JARID2: variants seen among roughly 807,000 people sequenced by gnomAD.
JARID2 encodes the protein jumonji and AT-rich interaction domain containing 2.
A neutral mutation model predicts 125.6 loss-of-function variants in JARID2; 21 were observed. The observed-to-expected ratio is 0.17, with a 90% CI of 0.12 to 0.24. JARID2 has a LOEUF of 0.24. JARID2 is among the 10% of genes least tolerant of loss of function. JARID2 has a pLI of 1.00. For synonymous variants in JARID2, 736 were observed against 661.6 expected (o/e 1.11, Z -1.73); for missense variants, 1,303 against 1,639.6 (o/e 0.79, Z 3.55).
chr6:15,342,102 C>T (rs777681265), intron 1 of JARID2, among the ~76,000 whole-genome samples: 11 of 152,090 alleles, frequency 7.2e-5, no homozygotes, highest in Non-Finnish European at 1.3e-4. Flanking sequence ...TTGGGTAAAA[C>T]ATCGAGAAAC....
Position 15,490,421 on chromosome 6 carries a change from C to A in JARID2, c.906+2879C>A, listed in dbSNP as rs549920878. Among the ~76,000 whole-genome samples the A allele has an allele frequency of 3.3e-4, 51 of 152,282 alleles. No homozygotes were observed. In the South Asian group the frequency reaches 5.4e-3, roughly 16 times the overall value. On this transcript the variant is annotated intron_variant, in intron 6 of 17. Coordinates refer to ENST00000341776, the MANE Select transcript of JARID2 (RefSeq NM_004973.4). ...CTGTCTTCCAAGTCTAAAACCACTT[C>A]CCCTCGTGCGAACTGGGCAATGCCA...
At chr6:15,387,534 C>T (rs1210825583) in intron 2 of JARID2, among the ~76,000 whole-genome samples, 2 of 152,072 alleles carry the variant, frequency 1.3e-5, no homozygotes, top group African/African-American at 4.8e-5. Context: ...TATTTACCCT[C>T]GATCACCTTC....
At chr6:15,514,135 T>C (rs1401242379) in intron 16 of JARID2, among the ~76,000 whole-genome samples, 2 of 151,062 alleles carry the variant, frequency 1.3e-5, no homozygotes, top group Admixed American at 6.6e-5. Context: ...AGCCCAGAGG[T>C]GGGCTCAGAA....
At chr6:15,293,146 C>T (rs932684279) in intron 1 of JARID2, among the ~76,000 whole-genome samples, 3 of 152,202 alleles carry the variant, frequency 2.0e-5, no homozygotes, top group Non-Finnish European at 2.9e-5. Flanking sequence ...CTTGACTTTG[C>T]CATGTTCCTG....
At chr6:15,260,961 A>G (rs1439980347) in intron 1 of JARID2, among the ~76,000 whole-genome samples, 1 of 152,132 alleles carries the variant, frequency 6.6e-6, no homozygotes, top group African/African-American at 2.4e-5. Flanking sequence ...CTTCCATGAG[A>G]CTTGCTGAAA....
At chr6:15,272,609 A>G (rs1760340361) in intron 1 of JARID2, among the ~76,000 whole-genome samples, 1 of 152,200 alleles carries the variant, frequency 6.6e-6, no homozygotes, top group Non-Finnish European at 1.5e-5. Context: ...TAAAGGGGCC[A>G]GGGTTGGACC....
intron 2 of JARID2, among the ~76,000 whole-genome samples, chr6:15,406,053 T>A (rs1765635936): frequency 6.6e-6 from 1 of 152,222 alleles, no homozygotes; most frequent in African/African-American, 2.4e-5. Flanking sequence ...TTTTCTGGGC[T>A]GATATATACA....
intron 1 of JARID2, among the ~76,000 whole-genome samples, chr6:15,301,383 C>T (rs946444065): frequency 6.6e-5 from 10 of 152,158 alleles, no homozygotes; most frequent in Admixed American, 3.3e-4. Context: ...TGAAATCAGT[C>T]ATCAGTGTGA....
chr6:15,287,934 C>T (rs1351594643), intron 1 of JARID2, among the ~76,000 whole-genome samples: 1 of 152,178 alleles, frequency 6.6e-6, no homozygotes, highest in Admixed American at 6.5e-5. Flanking sequence ...TACCGTTGAT[C>T]TGCCAGTACC....
At chr6:15,516,520 C>T (rs1771568969) in intron 16 of JARID2, among the ~76,000 whole-genome samples, 3 of 152,210 alleles carry the variant, frequency 2.0e-5, no homozygotes, top group Admixed American at 2.0e-4. Context: ...GACAGCCCGC[C>T]CAAGGGGGCC....
At chr6:15,501,840 C>T (rs1026053134) in intron 8 of JARID2, among the ~76,000 whole-genome samples, 1 of 152,170 alleles carries the variant, frequency 6.6e-6, no homozygotes, top group African/African-American at 2.4e-5. Context: ...CTCCATATGC[C>T]AGGGATAAGT....
At chr6:15,406,285 T>A (rs1465070347) in intron 2 of JARID2, among the ~76,000 whole-genome samples, 1 of 152,070 alleles carries the variant, frequency 6.6e-6, no homozygotes, top group African/African-American at 2.4e-5. Flanking sequence ...ATTACAAAAA[T>A]TAGCTGAGCG....
intron 3 of JARID2, among the ~76,000 whole-genome samples, chr6:15,442,440 G>C (rs1205780609): frequency 6.6e-6 from 1 of 152,206 alleles, no homozygotes; most frequent in African/African-American, 2.4e-5. Flanking sequence ...GGATTCTGTA[G>C]CTACTTGCAT....
intron 1 of JARID2, among the ~76,000 whole-genome samples, chr6:15,267,020 G>T (rs1354671679): frequency 6.6e-6 from 1 of 152,222 alleles, no homozygotes. Context: ...CCCTTTCATT[G>T]TAGGCATTCT....
intron 1 of JARID2, among the ~76,000 whole-genome samples, chr6:15,289,922 G>A (rs1213659253): frequency 6.6e-6 from 1 of 152,204 alleles, no homozygotes; most frequent in Non-Finnish European, 1.5e-5. Flanking sequence ...ATTGTGGAAT[G>A]TACAAGTCAC....
At chr6:15,436,631 G>C (rs945504367) in intron 3 of JARID2, among the ~76,000 whole-genome samples, 1 of 152,096 alleles carries the variant, frequency 6.6e-6, no homozygotes, top group Non-Finnish European at 1.5e-5. Context: ...CCTCTACCCA[G>C]CTTTTCCCTC....
intron 1 of JARID2, among the ~76,000 whole-genome samples, chr6:15,284,511 C>CTT (rs11286654): frequency 2.1e-4 from 29 of 140,332 alleles, no homozygotes; most frequent in East Asian, 2.0e-3. Flanking sequence ...TTTTATAATC[C>CTT]TTTTTTTTTT....
At chr6:15,405,360 C>T (rs16876311) in intron 2 of JARID2, among the ~76,000 whole-genome samples, 1,719 of 152,276 alleles carry the variant, frequency 0.011, 26 homozygotes, top group African/African-American at 0.038. Context: ...TTAGAGTTCT[C>T]GGCTGCACAA....
chr6:15,311,050 CACG>C (rs1761992199), intron 1 of JARID2, among the ~76,000 whole-genome samples: 1 of 152,162 alleles, frequency 6.6e-6, no homozygotes, highest in South Asian at 2.1e-4. Context: ...GCTAACATGG[CACG>C]TTGGCAGTGA....
Sources: gnomAD v4.1 joint callset for allele counts (sites outside exome capture counted in the v4.1 genomes callset) on GRCh38, gnomAD v4.1.1 for gene constraint, MANE v1.5 for transcripts, NCBI Gene and HGNC (gene_info 2026-07-23, HGNC 2026-07-21) for gene names.